TRPV4: variants seen among roughly 807,000 people sequenced by gnomAD.
TRPV4 encodes the protein OSM9-like transient receptor potential channel 4.
TRPV4 carries 58 observed loss-of-function variants against 84.1 expected under a neutral mutation model. That is an observed-to-expected ratio of 0.69 (90% CI 0.56 to 0.86). TRPV4 has a LOEUF of 0.86. Among genes scored for constraint, TRPV4 ranks in the 40% least tolerant of loss-of-function variants. The pLI is 0.00. For synonymous variants in TRPV4, 489 were observed against 500.9 expected (o/e 0.98, Z 0.32); for missense variants, 879 against 1,181.1 (o/e 0.74, Z 3.75).
chr12:109,806,544 G>A (rs914831370), intron 3 of TRPV4, among the ~76,000 whole-genome samples: 5 of 151,250 alleles, frequency 3.3e-5, no homozygotes, highest in South Asian at 2.1e-4. Context: ...ATACTGCATC[G>A]TATTGTTTCA....
At chr12:109,817,864 T>C (rs1301806426) in intron 1 of TRPV4, among the ~76,000 whole-genome samples, 2 of 152,198 alleles carry the variant, frequency 1.3e-5, no homozygotes, top group African/African-American at 2.4e-5. Flanking sequence ...ACTACTGGCA[T>C]CTGGTAGATC....
rs1345725181 is a variant in TRPV4 at position 109,793,438 on chromosome 12, G to C, written c.1658+89C>G. Reference sequence around the variant, plus strand: ...AGGTTGGGTGCATTCATTTCTAACAGAATCACCTCTCTCCTGAATCTGGAC... The same window carrying C: ...AGGTTGGGTGCATTCATTTCTAACACAATCACCTCTCTCCTGAATCTGGAC... On this transcript the variant is annotated intron_variant, in intron 10 of 15. Coordinates refer to ENST00000261740, the MANE Select transcript of TRPV4 (RefSeq NM_021625.5). This position sits in a 1 kb window ranked among gnomAD's most constrained non-coding sequence, Gnocchi z 4.0. The C allele has an allele frequency of 2.6e-5, 30 of 1,168,806 alleles. No individual in the cohort carries two copies. Among genetic ancestry groups the C allele is most frequent in the Admixed American group, 1.2e-4 (7 of 59,390 alleles). The allele number at this position is 1,168,806 out of a possible 1,614,324, so 72.4% of individuals were successfully genotyped here.
chr12:109,812,876 G>A (rs1022187086), intron 2 of TRPV4, among the ~76,000 whole-genome samples: 4 of 152,200 alleles, frequency 2.6e-5, no homozygotes, highest in Non-Finnish European at 5.9e-5. Context: ...ATGGGTAGAT[G>A]AGTAGATAGA....
At chr12:109,802,448 C>T (rs758840586) in intron 4 of TRPV4, among the ~76,000 whole-genome samples, 4 of 151,570 alleles carry the variant, frequency 2.6e-5, no homozygotes, top group Admixed American at 6.6e-5. Flanking sequence ...ATTATAGGTG[C>T]GCACCACCAC....
chr12:109,786,561 C>T lies in TRPV4; in HGVS notation c.2336+149G>A, dbSNP rs892048727. 13 of 1,009,418 alleles carry T rather than the reference C, an allele frequency of 1.3e-5. No homozygotes were observed. In the East Asian group the frequency reaches 2.1e-4, roughly 16 times the overall value. The allele number at this position is 1,009,418 out of a possible 1,614,324, so 62.5% of individuals were successfully genotyped here. A position where few individuals can be genotyped will look rare whatever the true frequency, so the allele number is the denominator to read the frequency against. On this transcript the variant is annotated intron_variant, in intron 14 of 15. Coordinates refer to ENST00000261740, the MANE Select transcript of TRPV4 (RefSeq NM_021625.5). The surrounding 1 kb of genome is among the most constrained non-coding windows in gnomAD (Gnocchi z 4.5). ...AGAGGTGGGCTGACTTGCCTGAGAT[C>T]GCCTGGTGGAAATGAACTCTGCTCG...
intron 15 of TRPV4, 103 bp downstream of exon 15, chr12:109,784,213 T>TGTAGAC: frequency 6.4e-7 from 1 of 1,565,998 alleles, no homozygotes; most frequent in East Asian, 2.2e-5. Flanking sequence ...TCTCTCATTC[T>TGTAGAC]GTAGACACGG....
intron 5 of TRPV4, among the ~76,000 whole-genome samples, chr12:109,799,439 G>A (rs755452187): frequency 1.3e-5 from 2 of 152,038 alleles, no homozygotes; most frequent in Non-Finnish European, 2.9e-5. Context: ...GTGAGCCACC[G>A]CGCCCAGCTG....
chr12:109,811,729 G>A (rs1446502232), intron 2 of TRPV4, among the ~76,000 whole-genome samples: 1 of 151,922 alleles, frequency 6.6e-6, no homozygotes, highest in Non-Finnish European at 1.5e-5. Context: ...GGCGGCTCTT[G>A]ACCAAGCAAG....
chr12:109,829,969 C>A (rs1406016962), intron 1 of TRPV4, among the ~76,000 whole-genome samples: 4 of 152,228 alleles, frequency 2.6e-5, no homozygotes, highest in African/African-American at 7.2e-5. Context: ...GTGCGTGCTA[C>A]CACGTTCGGC....
At chr12:109,784,868 T>TGTGTGTGTG (rs1889590650) in intron 14 of TRPV4, among the ~76,000 whole-genome samples, 1 of 146,586 alleles carries the variant, frequency 6.8e-6, no homozygotes, top group African/African-American at 2.5e-5. Flanking sequence ...GACGTGTGTG[T>TGTGTGTGTG]GTGTGTGTGT....
In TRPV4 at chr12:109,798,776, G is replaced by A; in HGVS notation, c.990C>T (p.Ala330=). Residue 330 remains alanine (A), a synonymous_variant, in exon 6 of 16, where the codon GCC becomes GCT. Transcript: ENST00000261740. The surrounding 1 kb of genome is among the most constrained non-coding windows in gnomAD (Gnocchi z 5.0). Reference sequence around the variant, plus strand: ...TGTTCTCACGGGTGTTGTCAGCAATGGCCACCAGCGCATGCAGCACTGTGT... The same window carrying A: ...TGTTCTCACGGGTGTTGTCAGCAATAGCCACCAGCGCATGCAGCACTGTGT... ...RGNTVLHALV[A]IADNTRENTK... is the part of the protein sequence containing the mutation. The A allele has an allele frequency of 6.2e-7, 1 of 1,614,190 alleles. No homozygotes were observed. Among genetic ancestry groups the A allele is most frequent in the South Asian group, 1.1e-5 (1 of 91,086 alleles).
At position 109,793,423 on chromosome 12, in the gene TRPV4, C is replaced by T. The variant is rs1286930451; in HGVS notation, c.1658+104G>A. Reference sequence around the variant, plus strand: ...GGGTTAGAGCTGCCCAGGTTGGGTGCATTCATTTCTAACAGAATCACCTCT... The same window carrying T: ...GGGTTAGAGCTGCCCAGGTTGGGTGTATTCATTTCTAACAGAATCACCTCT... On this transcript the variant is annotated intron_variant, in intron 10 of 15. Coordinates refer to ENST00000261740, the MANE Select transcript of TRPV4 (RefSeq NM_021625.5). The surrounding 1 kb of genome is among the most constrained non-coding windows in gnomAD (Gnocchi z 4.0). 3.0e-6 allele frequency: 3 copies of T among 988,648 alleles called. No individual in the cohort carries two copies. Among genetic ancestry groups the T allele is most frequent in the Non-Finnish European group, 4.9e-6 (3 of 612,844 alleles). 61.2% of individuals were successfully genotyped at this position (988,648 alleles called of 1,614,324 possible).
At position 109,788,547 on chromosome 12, in the gene TRPV4, G is replaced by A; in HGVS notation, c.2061C>T (p.Ser687=). 1 of 1,614,254 alleles carries A rather than the reference G, an allele frequency of 6.2e-7. No individual in the cohort carries two copies. Among genetic ancestry groups the A allele is most frequent in the Non-Finnish European group, 8.5e-7 (1 of 1,180,040 alleles). The change falls in exon 13 of 16, where the codon AGC becomes AGT. Residue 687 remains serine, a synonymous_variant. Transcript: ENST00000261740. Reference sequence around the variant, plus strand: ...TGAAGACCACGGGGTACTTGGTGCTGCTCAGCATCTCCAGGTCGCCCATGC... The same window carrying A: ...TGAAGACCACGGGGTACTTGGTGCTACTCAGCATCTCCAGGTCGCCCATGC... ...TIGMGDLEML[S]STKYPVVFII...
intron 3 of TRPV4, among the ~76,000 whole-genome samples, chr12:109,806,700 A>G (rs10850797): frequency 8.3e-3 from 20 of 2,412 alleles, no homozygotes; most frequent in Admixed American, 0.02. Context: ...AAAAAAAAAG[A>G]AAAAAAAAAA....
At chr12:109,822,314 G>A (rs1592872140) in intron 1 of TRPV4, among the ~76,000 whole-genome samples, 1 of 152,072 alleles carries the variant, frequency 6.6e-6, no homozygotes, top group East Asian at 1.9e-4. Flanking sequence ...CCACCCTGGG[G>A]CTCCTTAGCC....
Position 109,798,455 on chromosome 12 carries a change from G to T in TRPV4, c.1152+159C>A, listed in dbSNP as rs557113986. On this transcript the variant is annotated intron_variant, in intron 6 of 15. Transcript: ENST00000261740. This position sits in a 1 kb window ranked among gnomAD's most constrained non-coding sequence, Gnocchi z 5.0. The stretch of plus-strand genomic sequence containing the variant: ...AAGGAGCTTGGCTGGACACTAGGGA[G>T]CCATAGCAGGTTCTTGAGCTGGGAC... Among the ~76,000 whole-genome samples, 52 of 152,256 alleles carry T rather than the reference G, an allele frequency of 3.4e-4. No homozygotes were observed. The highest frequency in any genetic ancestry group is 7.1e-4 in the Non-Finnish European group (48 of 68,010).
intron 2 of TRPV4, among the ~76,000 whole-genome samples, chr12:109,813,943 T>A (rs573068010): frequency 6.6e-6 from 1 of 151,484 alleles, no homozygotes; most frequent in East Asian, 2.0e-4. Flanking sequence ...GATGGACAGA[T>A]GGAAGGATGA....
At chr12:109,820,586 C>CA (rs1199917646) in intron 1 of TRPV4, among the ~76,000 whole-genome samples, 2 of 141,070 alleles carry the variant, frequency 1.4e-5, no homozygotes, top group Non-Finnish European at 3.0e-5. Context: ...TGCAGTGGCG[C>CA]ATCTCCACTC....
rs139983004 is a variant in TRPV4 at position 109,803,043 on chromosome 12, G to A, written c.660C>T (p.Thr220=). Reference sequence around the variant, plus strand: ...AGTTAATGAACTCCCTCATGTTGCCGGTGCGCTCCGCGATGTCCAGCAGCA... The same window carrying A: ...AGTTAATGAACTCCCTCATGTTGCCAGTGCGCTCCGCGATGTCCAGCAGCA... ...IPVLLDIAER[T]GNMREFINSP... The change falls in exon 4 of 16, where the codon ACC becomes ACT. Residue 220 remains threonine, a synonymous_variant. Transcript: ENST00000261740. 1.4e-5 allele frequency: 23 copies of A among 1,614,152 alleles called. No individual in the cohort carries two copies. The highest frequency in any genetic ancestry group is 6.7e-5 in the East Asian group (3 of 44,886).
Sources: allele counts gnomAD v4.1 joint callset (sites outside exome capture counted in the v4.1 genomes callset), GRCh38; gene constraint gnomAD v4.1.1; non-coding constraint Gnocchi (gnomAD v3.1); transcripts MANE v1.5; gene names NCBI Gene and HGNC (gene_info 2026-07-23, HGNC 2026-07-21).